The following SCFD2 variants were observed in gnomAD, a reference collection of about 807,000 sequenced individuals.
SCFD2 encodes sec1 family domain containing 2.
SCFD2 carries 54 observed loss-of-function variants against 58.9 expected under a neutral mutation model. The ratio of observed to expected loss-of-function variants is 0.92; its 90% CI spans 0.74 to 1.15. The LOEUF (loss-of-function observed/expected upper bound fraction) is 1.15. Ranked by LOEUF, SCFD2 falls within the 50% of genes most tolerant of loss-of-function variation. The pLI is 0.00. For missense variants in SCFD2, 805 were observed against 836.6 expected, an observed-to-expected ratio of 0.96 and a Z score of 0.47; for synonymous variants, 321 against 335.9, an observed-to-expected ratio of 0.96 and a Z score of 0.49.
intron 4 of SCFD2, among the ~76,000 whole-genome samples, chr4:53,267,642 C>T (rs979125385): frequency 7.9e-5 from 12 of 152,154 alleles, no homozygotes; most frequent in Non-Finnish European, 1.8e-4. Flanking sequence ...AGCGCAGTGG[C>T]TATTCACAGG....
chr4:53,037,271 G>A (rs1178941569), intron 5 of SCFD2, among the ~76,000 whole-genome samples: 1 of 152,054 alleles, frequency 6.6e-6, no homozygotes, highest in Non-Finnish European at 1.5e-5. Context: ...GGCATATGGT[G>A]ATTCCATTTT....
At chr4:52,994,445 T>A (rs905808489) in intron 5 of SCFD2, among the ~76,000 whole-genome samples, 2 of 152,178 alleles carry the variant, frequency 1.3e-5, no homozygotes, top group Admixed American at 6.5e-5. Context: ...GTCAGTGCCA[T>A]CGGTGCCCTC....
chr4:53,176,117 T>C (rs1330533074), intron 4 of SCFD2, among the ~76,000 whole-genome samples: 11 of 152,222 alleles, frequency 7.2e-5, no homozygotes, highest in Non-Finnish European at 1.5e-4. Context: ...AAGATAATAA[T>C]GGAATGTACC....
chr4:52,945,985 T>C (rs1017853916), intron 5 of SCFD2, among the ~76,000 whole-genome samples: 1 of 152,198 alleles, frequency 6.6e-6, no homozygotes, highest in African/African-American at 2.4e-5. Context: ...CTGCATCCTT[T>C]TAAAATAATC....
chr4:53,312,765 A>G (rs1240828201), intron 3 of SCFD2, among the ~76,000 whole-genome samples: 4 of 152,154 alleles, frequency 2.6e-5, no homozygotes, highest in Admixed American at 1.3e-4. Flanking sequence ...TTTCCCATCC[A>G]ATAAAATGTA....
intron 4 of SCFD2, among the ~76,000 whole-genome samples, chr4:53,232,753 C>T (rs1028482735): frequency 1.3e-5 from 2 of 152,164 alleles, no homozygotes; most frequent in Non-Finnish European, 2.9e-5. Flanking sequence ...GATCATTCGA[C>T]ATTCATCACT....
intron 5 of SCFD2, among the ~76,000 whole-genome samples, chr4:53,062,936 G>A (rs577003267): frequency 7.2e-5 from 11 of 152,184 alleles, no homozygotes; most frequent in African/African-American, 2.6e-4. Flanking sequence ...TTTAATAGGT[G>A]CACAGCGATA....
intron 4 of SCFD2, among the ~76,000 whole-genome samples, chr4:53,247,299 G>C (rs553417426): frequency 6.6e-6 from 1 of 152,184 alleles, no homozygotes; most frequent in Non-Finnish European, 1.5e-5. Context: ...GTACACTGTA[G>C]GTGGGAGTGT....
At chr4:53,240,683 C>CA (rs1349582943) in intron 4 of SCFD2, among the ~76,000 whole-genome samples, 1 of 152,158 alleles carries the variant, frequency 6.6e-6, no homozygotes, top group Non-Finnish European at 1.5e-5. Context: ...CAAAACAAAA[C>CA]AAAAACCTCT....
At chr4:53,266,121 C>G (rs928727243) in intron 4 of SCFD2, among the ~76,000 whole-genome samples, 2 of 152,032 alleles carry the variant, frequency 1.3e-5, no homozygotes, top group Non-Finnish European at 1.5e-5. Flanking sequence ...GGCTTTAAAT[C>G]AAGGTTTAAA....
intron 4 of SCFD2, among the ~76,000 whole-genome samples, chr4:53,238,923 G>A (rs1729788203): frequency 1.3e-5 from 2 of 150,876 alleles, no homozygotes; most frequent in Admixed American, 6.6e-5. Context: ...ATGATGGGCG[G>A]CCAGGCAGAG....
intron 5 of SCFD2, among the ~76,000 whole-genome samples, chr4:53,019,717 T>TA (rs1722301774): frequency 6.6e-6 from 1 of 152,122 alleles, no homozygotes; most frequent in Admixed American, 6.5e-5. Flanking sequence ...ACAAACAATA[T>TA]ATAAAGTTAT....
At chr4:53,190,131 T>C (rs6855673) in intron 4 of SCFD2, among the ~76,000 whole-genome samples, 148,637 of 152,332 alleles carry the variant, frequency 0.98, 72,632 homozygotes, top group Middle Eastern at 1. Context: ...AAACAGTCAA[T>C]GTATCTCCTC....
At chr4:52,963,800 A>C (rs531584596) in intron 5 of SCFD2, among the ~76,000 whole-genome samples, 1 of 152,182 alleles carries the variant, frequency 6.6e-6, no homozygotes, top group East Asian at 1.9e-4. Flanking sequence ...ACTATTGGTA[A>C]AAACAGAGGT....
chr4:53,034,518 G>A (rs1433388448), intron 5 of SCFD2, among the ~76,000 whole-genome samples: 1 of 152,112 alleles, frequency 6.6e-6, no homozygotes. Flanking sequence ...CAAATAGGAA[G>A]AGAGGAAGTC....
intron 5 of SCFD2, among the ~76,000 whole-genome samples, chr4:52,993,456 G>C (rs1721669496): frequency 1.3e-5 from 2 of 152,180 alleles, no homozygotes; most frequent in African/African-American, 2.4e-5. Flanking sequence ...TTTTATTTAT[G>C]TGCGGCAACT....
chr4:53,351,153 C>A (rs531982629), intron 2 of SCFD2, among the ~76,000 whole-genome samples: 1 of 152,298 alleles, frequency 6.6e-6, no homozygotes, highest in Admixed American at 6.5e-5. Context: ...CTTAATTTCC[C>A]AAACGTAAAA....
At chr4:52,916,555 C>T (rs1719612729) in intron 6 of SCFD2, among the ~76,000 whole-genome samples, 1 of 152,330 alleles carries the variant, frequency 6.6e-6, no homozygotes, top group South Asian at 2.1e-4. Context: ...GCTTCTGCGA[C>T]AGAGTGAGAC....
intron 7 of SCFD2, among the ~76,000 whole-genome samples, chr4:52,897,257 A>G (rs1393728684): frequency 6.6e-6 from 1 of 152,298 alleles, no homozygotes; most frequent in East Asian, 1.9e-4. Context: ...GAATGCTTCC[A>G]GTTTTTGCCC....
Sources: gnomAD v4.1 joint callset for allele counts (sites outside exome capture counted in the v4.1 genomes callset) on GRCh38, gnomAD v4.1.1 for gene constraint, MANE v1.5 for transcripts, NCBI Gene and HGNC (gene_info 2026-07-23, HGNC 2026-07-21) for gene names.